PCDH15: variants seen among roughly 807,000 people sequenced by gnomAD.
PCDH15 encodes the protein protocadherin-15.
In PCDH15, 129 loss-of-function variants were observed where a neutral mutation model predicts 178.5. That is an observed-to-expected ratio of 0.72 (90% confidence interval 0.63 to 0.84). The LOEUF (loss-of-function observed/expected upper bound fraction) is 0.84, where lower values mean the gene tolerates loss of function less well. Ranked by LOEUF, PCDH15 falls within the 40% of genes least tolerant of loss-of-function variation. PCDH15 has a pLI of 0.00. For synonymous variants in PCDH15, 800 were observed against 732.0 expected (o/e 1.09, Z -1.50); for missense variants, 2,230 against 2,099.9 (o/e 1.06, Z -1.21).
rs1194729766 is a variant in PCDH15, at chr10:53,803,792, T to C, written c.*2787A>G. On this transcript the variant is annotated 3_prime_UTR_variant, in exon 38 of 38. Coordinates refer to ENST00000644397, the MANE Select transcript of PCDH15 (RefSeq NM_001384140.1). ...ATCAACGGGTTGCAATATTAGTCAT[T>C]ACATCATTCTGTTCTCACCTCGATT... 6.6e-6 allele frequency: 1 copy of C among 151,978 alleles called. No homozygotes were observed. Among genetic ancestry groups the C allele is most frequent in the Admixed American group, 6.6e-5 (1 of 15,226 alleles). 9.4% of individuals were successfully genotyped at this position (151,978 alleles called of 1,614,324 possible).
At chr10:54,150,353 T>A (rs567516510) in intron 14 of PCDH15, among the ~76,000 whole-genome samples, 2 of 152,180 alleles carry the variant, frequency 1.3e-5, no homozygotes, top group East Asian at 3.9e-4. Flanking sequence ...AAAGTTTAGT[T>A]ACAGTCCATC....
At chr10:55,075,462 T>C (rs1291342207) in intron 2 of PCDH15, among the ~76,000 whole-genome samples, 1 of 149,360 alleles carries the variant, frequency 6.7e-6, no homozygotes, top group African/African-American at 2.5e-5. Context: ...GCCTCCCGGG[T>C]TCAAGCGATT....
intron 8 of PCDH15, among the ~76,000 whole-genome samples, chr10:54,296,637 C>T (rs1179636720): frequency 6.6e-6 from 1 of 152,122 alleles, no homozygotes; most frequent in Non-Finnish European, 1.5e-5. Flanking sequence ...ATCAGAAAGA[C>T]ATAATTTTTG....
At chr10:54,059,324 G>C (rs568660606) in intron 18 of PCDH15, among the ~76,000 whole-genome samples, 1 of 152,078 alleles carries the variant, frequency 6.6e-6, no homozygotes, top group South Asian at 2.1e-4. Context: ...GCTAAATTGG[G>C]TCTACTGTTG....
In PCDH15 at chr10:54,022,981, C is replaced by T. The variant is rs1371616601; in HGVS notation, c.2437G>A (p.Asp813Asn). 1 of 1,613,824 alleles carries T rather than the reference C, an allele frequency of 6.2e-7. No individual in the cohort carries two copies. The change falls in exon 19 of 38, where the codon GAT (aspartate) becomes AAT (asparagine). Residue 813 changes from aspartate (D) to asparagine (N), a missense_variant. Asp to Asn is a conservative substitution (Grantham distance 23). Transcript: ENST00000644397. ...LTLAIKVLDI[D>N]DNSPVFTNST... ...TTGGTGAACACAGGACTGTTATCATCAATGTCCAAAACCTTGATGGCCAAG... is the reference window on the plus strand; with the variant it reads ...TTGGTGAACACAGGACTGTTATCATTAATGTCCAAAACCTTGATGGCCAAG...
intron 2 of PCDH15, among the ~76,000 whole-genome samples, chr10:55,533,595 A>C (rs1841506480): frequency 6.6e-6 from 1 of 152,088 alleles, no homozygotes; most frequent in South Asian, 2.1e-4. Context: ...AATGATTGGA[A>C]AGACATTCCA....
rs549993141 is a variant in PCDH15 at position 55,250,244 on chromosome 10, A to C, written c.-156+69355T>G. Among the ~76,000 whole-genome samples the C allele has an allele frequency of 7.6e-4, 116 of 152,100 alleles. 1 individual carries two copies. The highest frequency in any genetic ancestry group is 3.4e-3 in the Middle Eastern group (1 of 294). ...CTGAAACCTCAAACTCCCAGGCCCA[A>C]GTGATCCTCCCGCATCAGCCTTCCA... On this transcript the variant is annotated intron_variant, in intron 1 of 5. Coordinates refer to the PCDH15 transcript ENST00000458638.
intron 1 of PCDH15, among the ~76,000 whole-genome samples, chr10:54,688,832 A>G (rs2095062545): frequency 6.6e-6 from 1 of 152,138 alleles, no homozygotes; most frequent in African/African-American, 2.4e-5. Context: ...CTGCATTAGC[A>G]AGTTGTCTCT....
chr10:54,258,537 C>T (rs1364991814), intron 8 of PCDH15, among the ~76,000 whole-genome samples: 4 of 152,102 alleles, frequency 2.6e-5, no homozygotes, highest in Admixed American at 6.6e-5. Flanking sequence ...ATGACACAGA[C>T]TTAAAGGCAG....
chr10:55,039,348 G>GA (rs925843596), intron 2 of PCDH15, among the ~76,000 whole-genome samples: 14 of 151,884 alleles, frequency 9.2e-5, no homozygotes, highest in Admixed American at 3.9e-4. Flanking sequence ...AAAGAAATGA[G>GA]AAAAAAATGA....
chr10:54,185,101 A>G, intron 12 of PCDH15, 33 bp downstream of exon 12: 1 of 1,604,940 alleles, frequency 6.2e-7, no homozygotes, highest in East Asian at 2.2e-5. Flanking sequence ...ACATTCATAC[A>G]TACATATGTA....
At chr10:53,866,976 C>T in intron 26 of PCDH15, 119 bp from the exon 27 acceptor site, 1 of 723,554 alleles carries the variant, frequency 1.4e-6, no homozygotes, top group African/African-American at 1.8e-5. Flanking sequence ...ACAATAAAGC[C>T]CTCCTAAATG....
At chr10:55,467,126 T>G (rs1839847114) in intron 2 of PCDH15, among the ~76,000 whole-genome samples, 1 of 152,180 alleles carries the variant, frequency 6.6e-6, no homozygotes, top group African/African-American at 2.4e-5. Flanking sequence ...GGTATTAATT[T>G]ATGAGTTATT....
chr10:55,083,594 C>A (rs1466830248), intron 2 of PCDH15, among the ~76,000 whole-genome samples: 1 of 151,598 alleles, frequency 6.6e-6, no homozygotes, highest in African/African-American at 2.4e-5. Context: ...GAATAAGGGG[C>A]ATATAAATTG....
At chr10:55,624,391 G>A (rs112779047) in intron 2 of PCDH15, among the ~76,000 whole-genome samples, 13 of 150,956 alleles carry the variant, frequency 8.6e-5, no homozygotes, top group Admixed American at 2.6e-4. Flanking sequence ...AAGCATGCAA[G>A]CTGCATTTTT....
chr10:54,346,582 A>C (rs1943328145), intron 5 of PCDH15, 98 bp from the exon 6 acceptor site: 22 of 1,427,728 alleles, frequency 1.5e-5, no homozygotes, highest in Non-Finnish European at 2.1e-5. Context: ...ACCTAAAGGA[A>C]GATACCAGTT....
intron 26 of PCDH15, among the ~76,000 whole-genome samples, chr10:53,886,835 T>A (rs1476710077): frequency 1.3e-5 from 2 of 152,168 alleles, no homozygotes; most frequent in Non-Finnish European, 2.9e-5. Flanking sequence ...ATGATGTTTG[T>A]TCTCTGCTGA....
At chr10:54,329,302 G>T (rs1938883468) in intron 7 of PCDH15, among the ~76,000 whole-genome samples, 1 of 151,878 alleles carries the variant, frequency 6.6e-6, no homozygotes, top group African/African-American at 2.4e-5. Context: ...AGGTGATTCT[G>T]CTGCTGTTAA....
rs571502004 is a variant in PCDH15, at chr10:55,025,001, T to C, written c.-79-127501A>G. ...ACAGCAGAATCTGATTATATGACTC[T>C]TCTACTTAAGGTTTCCAGTGCCCAT... On this transcript the variant is annotated intron_variant, in intron 2 of 5. Transcript: ENST00000458638. Among the ~76,000 whole-genome samples, 348 of 152,284 alleles carry C rather than the reference T, an allele frequency of 2.3e-3. 1 individual carries two copies. Among genetic ancestry groups the C allele is most frequent in the Non-Finnish European group, 4.0e-3 (275 of 68,006 alleles).
Sources: gnomAD v4.1 joint callset for allele counts (sites outside exome capture counted in the v4.1 genomes callset) on GRCh38, gnomAD v4.1.1 for gene constraint, MANE v1.5 for transcripts, NCBI Gene and HGNC (gene_info 2026-07-23, HGNC 2026-07-21) for gene names.